RBFOX2: variants seen among roughly 807,000 people sequenced by gnomAD.
The protein encoded by RBFOX2 is RNA binding fox-1 homolog 2, also known as RNA binding protein fox-1 homolog 2.
RBFOX2 carries 10 observed loss-of-function variants against 49.1 expected under a neutral mutation model. The ratio of observed to expected loss-of-function variants is 0.20; its 90% confidence interval spans 0.13 to 0.35. RBFOX2 has a LOEUF of 0.35. Among genes scored for constraint, RBFOX2 ranks in the 10% least tolerant of loss-of-function variants. The pLI, the probability that RBFOX2 is intolerant of heterozygous loss-of-function variation, is 1.00. For synonymous variants in RBFOX2, 183 were observed against 187.4 expected (o/e 0.98, Z 0.19); for missense variants, 323 against 486.9 (o/e 0.66, Z 3.17).
At chr22:35,909,094 G>A (rs558018004) in intron 1 of RBFOX2, among the ~76,000 whole-genome samples, 7 of 152,168 alleles carry the variant, frequency 4.6e-5, no homozygotes, top group East Asian at 1.9e-4. Flanking sequence ...TGCCCACCTC[G>A]GCCTCCCGAA....
intron 1 of RBFOX2, among the ~76,000 whole-genome samples, chr22:36,009,876 C>T (rs956267033): frequency 6.6e-6 from 1 of 152,126 alleles, no homozygotes; most frequent in African/African-American, 2.4e-5. Context: ...TAAGTCACTG[C>T]GCAACTGAGT....
In RBFOX2 at chr22:36,001,336, C is replaced by T. The variant is rs190061285; in HGVS notation, c.186+26904G>A. 2.6e-5 allele frequency among the ~76,000 whole-genome samples: 4 copies of T among 152,038 alleles called. No individual in the cohort carries two copies. The East Asian group carries it at 7.7e-4, about 29-fold the overall frequency. On this transcript the variant is annotated intron_variant, in intron 1 of 13. Transcript: ENST00000438146. ...ACTGCAACATGAATGACAAACACTA[C>T]TTTCATTAATTTATAAAAAGTTCCT...
chr22:35,859,324 T>C (rs1267626280), intron 1 of RBFOX2, among the ~76,000 whole-genome samples: 1 of 152,152 alleles, frequency 6.6e-6, no homozygotes, highest in African/African-American at 2.4e-5. Flanking sequence ...GAACAACTTT[T>C]CAAGTGCATA....
chr22:35,844,432 A>T (rs1408208324), upstream of RBFOX2, among the ~76,000 whole-genome samples: 1 of 152,232 alleles, frequency 6.6e-6, no homozygotes, highest in African/African-American at 2.4e-5. Context: ...TAGTTATCAA[A>T]ATATTATAAA....
intron 1 of RBFOX2, among the ~76,000 whole-genome samples, chr22:35,824,993 G>A (rs1955338349): frequency 6.6e-6 from 1 of 152,192 alleles, no homozygotes; most frequent in South Asian, 2.1e-4. Context: ...GCCGAGGCGG[G>A]TGGATCACAT....
upstream of RBFOX2, among the ~76,000 whole-genome samples, chr22:35,941,652 T>C (rs960020783): frequency 6.6e-6 from 1 of 152,096 alleles, no homozygotes; most frequent in Non-Finnish European, 1.5e-5. Flanking sequence ...CAAAAGCATA[T>C]TAACAGAAAT....
chr22:35,825,981 C>CAAAA (rs901630936), intron 1 of RBFOX2, among the ~76,000 whole-genome samples: 4 of 39,816 alleles, frequency 1.0e-4, no homozygotes, highest in African/African-American at 3.3e-4. Context: ...GACTCCGCTT[C>CAAAA]AAAAAAAAAA....
At chr22:35,885,804 C>T (rs1189874760) in intron 1 of RBFOX2, among the ~76,000 whole-genome samples, 1 of 144,002 alleles carries the variant, frequency 6.9e-6, no homozygotes, top group African/African-American at 2.6e-5. Context: ...GAAGACAGTA[C>T]AGAGCCTATA....
intron 1 of RBFOX2, among the ~76,000 whole-genome samples, chr22:35,864,233 T>C (rs953203581): frequency 6.6e-6 from 1 of 152,214 alleles, no homozygotes; most frequent in Admixed American, 6.5e-5. Flanking sequence ...ATACAATGTT[T>C]TGCTACACTT....
intron 1 of RBFOX2, among the ~76,000 whole-genome samples, chr22:35,985,897 TA>T (rs1569518805): frequency 6.7e-5 from 9 of 134,932 alleles, no homozygotes; most frequent in South Asian, 2.5e-4. Context: ...GATAGATAGA[TA>T]GATGGATAGA....
At chr22:35,888,861 T>G (rs2046911436) in intron 1 of RBFOX2, among the ~76,000 whole-genome samples, 1 of 152,126 alleles carries the variant, frequency 6.6e-6, no homozygotes, top group African/African-American at 2.4e-5. Flanking sequence ...CCCTGCTTCC[T>G]TTGAAAATCT....
intron 1 of RBFOX2, among the ~76,000 whole-genome samples, chr22:35,825,193 C>T (rs979240152): frequency 6.6e-6 from 1 of 152,160 alleles, no homozygotes; most frequent in Admixed American, 6.5e-5. Flanking sequence ...GTACTCCAGC[C>T]TGGGAGTGCA....
Position 35,950,865 on chromosome 22 carries a change from A to G in RBFOX2, c.42+10698T>C, listed in dbSNP as rs377123879. 1.9e-4 allele frequency among the ~76,000 whole-genome samples: 29 copies of G among 152,140 alleles called. 1 individual carries two copies. In the East Asian group the frequency reaches 5.2e-3, roughly 27 times the overall value. On this transcript the variant is annotated intron_variant, in intron 1 of 5. Coordinates refer to the RBFOX2 transcript ENST00000408983. Reference sequence around the variant, plus strand: ...TATTATTATATTTCTTATTATAGATACAGCAGATCTATATCTGCTGTTATT... The same window carrying G: ...TATTATTATATTTCTTATTATAGATGCAGCAGATCTATATCTGCTGTTATT...
intron 3 of RBFOX2, among the ~76,000 whole-genome samples, chr22:35,779,807 C>T (rs1944724680): frequency 6.6e-6 from 1 of 152,156 alleles, no homozygotes; most frequent in Non-Finnish European, 1.5e-5. Flanking sequence ...AACTAGGTAT[C>T]TCTGGTAAGG....
chr22:35,973,322 A>T (rs1026972388), intron 1 of RBFOX2, among the ~76,000 whole-genome samples: 1 of 152,254 alleles, frequency 6.6e-6, no homozygotes, highest in African/African-American at 2.4e-5. Context: ...CTGGCGCTAT[A>T]AACTGTCTAA....
At chr22:35,830,666 G>A (rs192384129) in intron 1 of RBFOX2, among the ~76,000 whole-genome samples, 10 of 152,242 alleles carry the variant, frequency 6.6e-5, no homozygotes, top group Admixed American at 6.5e-4. Flanking sequence ...CTAAGTATTT[G>A]TGTGTCTAAA....
intron 1 of RBFOX2, among the ~76,000 whole-genome samples, chr22:35,810,942 A>G (rs1174008630): frequency 1.3e-5 from 2 of 152,212 alleles, no homozygotes; most frequent in Non-Finnish European, 2.9e-5. Flanking sequence ...CAAAAAATAT[A>G]TCATCAATAA....
At chr22:36,023,844 A>T (rs2059332741) in intron 1 of RBFOX2, among the ~76,000 whole-genome samples, 1 of 152,146 alleles carries the variant, frequency 6.6e-6, no homozygotes, top group South Asian at 2.1e-4. Flanking sequence ...CTTTGAAAGC[A>T]CCGACCCTTC....
At chr22:35,922,349 C>T (rs768819342) in intron 1 of RBFOX2, among the ~76,000 whole-genome samples, 1 of 151,584 alleles carries the variant, frequency 6.6e-6, no homozygotes, top group Non-Finnish European at 1.5e-5. Flanking sequence ...GGGAGGCCAT[C>T]GCGGGCAGAT....
Sources: gnomAD v4.1 joint callset for allele counts (sites outside exome capture counted in the v4.1 genomes callset) on GRCh38, gnomAD v4.1.1 for gene constraint, MANE v1.5 for transcripts, NCBI Gene and HGNC (gene_info 2026-07-23, HGNC 2026-07-21) for gene names.